Variants in PRDM11 observed in about 807,000 individuals in gnomAD.
PRDM11 encodes PR/SET domain 11.
PRDM11 carries 20 observed loss-of-function variants against 97.8 expected under a neutral mutation model. That is an observed-to-expected ratio of 0.20 (90% CI 0.14 to 0.30). The LOEUF (loss-of-function observed/expected upper bound fraction) is 0.30. Among genes scored for constraint, PRDM11 ranks in the 10% least tolerant of loss-of-function variants. The pLI, the probability that PRDM11 is intolerant of heterozygous loss-of-function variation, is 1.00. For missense variants in PRDM11, 1,139 were observed against 1,555.2 expected, an observed-to-expected ratio of 0.73 and a Z score of 4.50; for synonymous variants, 599 against 637.7, an observed-to-expected ratio of 0.94 and a Z score of 0.91.
intron 1 of PRDM11, among the ~76,000 whole-genome samples, chr11:45,150,186 T>G (rs1419173712): frequency 6.6e-6 from 1 of 152,076 alleles, no homozygotes; most frequent in Non-Finnish European, 1.5e-5. Flanking sequence ...CCACCCCCTC[T>G]CCTGATGAGG....
At chr11:45,223,050 T>C (rs1465966076) in intron 6 of PRDM11, among the ~76,000 whole-genome samples, 2 of 152,216 alleles carry the variant, frequency 1.3e-5, no homozygotes, top group Admixed American at 1.3e-4. Context: ...GTGCCATGGC[T>C]CATGCCTGTA....
At chr11:45,139,062 A>G (rs1424071501) in intron 1 of PRDM11, among the ~76,000 whole-genome samples, 1 of 152,158 alleles carries the variant, frequency 6.6e-6, no homozygotes, top group East Asian at 1.9e-4. Context: ...AAGATGAGTA[A>G]ACATATTAAA....
rs780927208 is a variant in PRDM11, at chr11:45,125,146, T to C, written c.96+29245T>C. Among the ~76,000 whole-genome samples the C allele has an allele frequency of 2.3e-3, 343 of 152,254 alleles. 2 individuals carry two copies. The highest frequency in any genetic ancestry group is 7.7e-3 in the African/African-American group (319 of 41,546). ...TTGCATAGAGGTGTTTGTAGTATTC[T>C]CTGATGGTAGTTTGTATTTCTGTGG... On this transcript the variant is annotated intron_variant, in intron 1 of 6. Coordinates refer to the PRDM11 transcript ENST00000530656.
chr11:45,227,284 G>A lies in PRDM11; in HGVS notation c.2659G>A (p.Val887Met), dbSNP rs759069126. 3.1e-5 allele frequency: 48 copies of A among 1,533,962 alleles called. 1 individual carries two copies. The highest frequency in any genetic ancestry group is 7.1e-5 in the South Asian group (6 of 83,972). ...SIKLIYFLLD[V>M]IAVLSRLAYI... ...CAAGCTCATCTACTTCCTGCTGGAC[G>A]TGATTGCTGTGCTCTCGCGTCTGGC... is the stretch of plus-strand genomic sequence containing the variant. Residue 887 changes from valine (V) to methionine (M), a missense_variant, in exon 8 of 8, where the codon GTG becomes ATG. Transcript: ENST00000683152. The surrounding 1 kb of genome is among the most constrained non-coding windows in gnomAD (Gnocchi z 8.0).
intron 7 of PRDM11, 21 bp from the exon 8 acceptor site, chr11:45,225,974 T>C: frequency 2.7e-6 from 4 of 1,466,726 alleles, no homozygotes; most frequent in Non-Finnish European, 3.6e-6. Context: ...TATAAATGTT[T>C]CTTTCCCATT....
chr11:45,201,985 T>C (rs1238690904), intron 4 of PRDM11, among the ~76,000 whole-genome samples: 1 of 151,810 alleles, frequency 6.6e-6, no homozygotes, highest in Non-Finnish European at 1.5e-5. Flanking sequence ...AAAAAAAAAT[T>C]CTTTGTAGAG....
intron 5 of PRDM11, chr11:45,213,321 C>T (rs955980994): frequency 1.5e-5 from 7 of 455,846 alleles, no homozygotes; most frequent in African/African-American, 1.4e-4. Context: ...GTCTGTGTCC[C>T]GTGGTGGCAG....
At chr11:45,165,919 C>T (rs995430728) in intron 1 of PRDM11, among the ~76,000 whole-genome samples, 1 of 152,304 alleles carries the variant, frequency 6.6e-6, no homozygotes, top group African/African-American at 2.4e-5. Context: ...GCTACACTGC[C>T]ACCTGGGAGT....
At chr11:45,137,104 A>C (rs1488734348) in intron 1 of PRDM11, among the ~76,000 whole-genome samples, 1 of 151,682 alleles carries the variant, frequency 6.6e-6, no homozygotes, top group Non-Finnish European at 1.5e-5. Flanking sequence ...CGGAGGTTGC[A>C]GTGAGCTGAG....
At chr11:45,159,229 C>T (rs1395202897) in intron 1 of PRDM11, among the ~76,000 whole-genome samples, 1 of 152,250 alleles carries the variant, frequency 6.6e-6, no homozygotes, top group East Asian at 1.9e-4. Flanking sequence ...TTCCTGGACC[C>T]TTCCATCCTG....
intron 5 of PRDM11, among the ~76,000 whole-genome samples, chr11:45,209,871 C>T (rs1185796532): frequency 1.3e-5 from 2 of 152,192 alleles, no homozygotes; most frequent in African/African-American, 2.4e-5. Context: ...CTGGGGAGGG[C>T]TCCCTGAAGA....
upstream of PRDM11, among the ~76,000 whole-genome samples, chr11:45,142,306 G>A (rs1349577388): frequency 6.6e-6 from 1 of 152,116 alleles, no homozygotes. Flanking sequence ...GGGCACACTA[G>A]CCTTCTGCCA....
upstream of PRDM11, among the ~76,000 whole-genome samples, chr11:45,144,426 C>T (rs916141799): frequency 1.4e-4 from 21 of 152,168 alleles, no homozygotes; most frequent in African/African-American, 4.6e-4. Context: ...TGAGGACCTA[C>T]GGCTTCCTGG....
intron 1 of PRDM11, among the ~76,000 whole-genome samples, chr11:45,174,799 C>G (rs1852288495): frequency 6.6e-6 from 1 of 152,220 alleles, no homozygotes; most frequent in South Asian, 2.1e-4. Context: ...CACAACCCTC[C>G]TCCTGAACTA....
At chr11:45,131,202 T>C (rs994841759) in intron 1 of PRDM11, among the ~76,000 whole-genome samples, 5 of 152,156 alleles carry the variant, frequency 3.3e-5, no homozygotes, top group African/African-American at 1.2e-4. Flanking sequence ...AAAACTCACT[T>C]GTGGTGATAG....
chr11:45,095,788 G>T (rs758275483), upstream of PRDM11: 15 of 731,998 alleles, frequency 2.0e-5, no homozygotes, highest in Admixed American at 2.6e-4. Flanking sequence ...CCCATTTCGG[G>T]TCACAAGGTA....
At chr11:45,164,004 C>T (rs940310436) in intron 1 of PRDM11, among the ~76,000 whole-genome samples, 9 of 152,322 alleles carry the variant, frequency 5.9e-5, no homozygotes, top group South Asian at 2.1e-4. Context: ...GCTCACGGAG[C>T]TCATGAGATC....
intron 1 of PRDM11, among the ~76,000 whole-genome samples, chr11:45,099,098 G>A (rs1590334835): frequency 6.6e-6 from 1 of 152,168 alleles, no homozygotes; most frequent in African/African-American, 2.4e-5. Flanking sequence ...AGGCTAGACT[G>A]GGGCAGGGGC....
At chr11:45,186,904 G>A (rs1156950554) in intron 4 of PRDM11, among the ~76,000 whole-genome samples, 2 of 152,188 alleles carry the variant, frequency 1.3e-5, no homozygotes, top group African/African-American at 2.4e-5. Context: ...ACCATGTGAG[G>A]ACTTCCCTTA....
Sources: allele counts gnomAD v4.1 joint callset (sites outside exome capture counted in the v4.1 genomes callset), GRCh38; gene constraint gnomAD v4.1.1; non-coding constraint Gnocchi (gnomAD v3.1); transcripts MANE v1.5; gene names NCBI Gene and HGNC (gene_info 2026-07-23, HGNC 2026-07-21).